RABGAP1L: variants seen among roughly 807,000 people sequenced by gnomAD.
RABGAP1L encodes the protein rab GTPase-activating protein 1-like.
A neutral mutation model predicts 137.7 loss-of-function variants in RABGAP1L; 63 were observed. The observed-to-expected ratio is 0.46, with a 90% CI of 0.37 to 0.56. The LOEUF is 0.56. Among genes scored for constraint, RABGAP1L ranks in the 20% least tolerant of loss-of-function variants. The pLI, the probability that RABGAP1L is intolerant of heterozygous loss-of-function variation, is 0.00. For missense variants in RABGAP1L, 1,095 were observed against 1,244.0 expected, an observed-to-expected ratio of 0.88 and a Z score of 1.80; for synonymous variants, 431 against 433.7, an observed-to-expected ratio of 0.99 and a Z score of 0.08.
At chr1:174,500,200 T>G (rs1321599653) in intron 13 of RABGAP1L, among the ~76,000 whole-genome samples, 1 of 151,814 alleles carries the variant, frequency 6.6e-6, no homozygotes, top group Non-Finnish European at 1.5e-5. Flanking sequence ...CTGCCTCAGC[T>G]TTCAGAGTAG....
chr1:174,907,914 T>G (rs892657778), intron 19 of RABGAP1L, among the ~76,000 whole-genome samples: 4 of 152,290 alleles, frequency 2.6e-5, no homozygotes, highest in African/African-American at 9.6e-5. Context: ...ATATGCTGCC[T>G]TCAAGAAACC....
chr1:174,329,896 A>T (rs914392465), intron 11 of RABGAP1L, among the ~76,000 whole-genome samples: 2 of 150,504 alleles, frequency 1.3e-5, no homozygotes, highest in African/African-American at 5.0e-5. Context: ...CATAATAATA[A>T]TTTTTTTTTA....
At chr1:174,504,869 A>G (rs1661670045) in intron 13 of RABGAP1L, among the ~76,000 whole-genome samples, 1 of 152,230 alleles carries the variant, frequency 6.6e-6, no homozygotes. Context: ...AGGTAGACAA[A>G]TAGAATTGAA....
At chr1:174,897,494 C>T (rs1657402956) in intron 19 of RABGAP1L, 1 of 152,156 alleles carries the variant, frequency 6.6e-6, no homozygotes, top group African/African-American at 2.4e-5. Context: ...TGTTTCTGAC[C>T]TCAGGAGCCT....
rs1014529594 is a variant in RABGAP1L at position 174,482,513 on chromosome 1, C to G, written c.1710+88368C>G. Among the ~76,000 whole-genome samples the G allele has an allele frequency of 8.5e-5, 13 of 152,290 alleles. No individual in the cohort carries two copies. In the South Asian group the frequency reaches 1.0e-3, roughly 12 times the overall value. ...TTCTTTCTTTTTGTATGTTGTAAAA[C>G]AGAGTCTTGCTCTGTTGCCCAGACT... is the stretch of plus-strand genomic sequence containing the variant. On this transcript the variant is annotated intron_variant, in intron 13 of 25. Transcript: ENST00000681986.
chr1:174,562,350 A>C (rs960096453), intron 13 of RABGAP1L, among the ~76,000 whole-genome samples: 1 of 152,218 alleles, frequency 6.6e-6, no homozygotes, highest in Admixed American at 6.5e-5. Flanking sequence ...AAAGGTCAGG[A>C]AACAACAGAT....
chr1:174,523,261 C>T (rs1360629900), intron 13 of RABGAP1L, among the ~76,000 whole-genome samples: 1 of 152,174 alleles, frequency 6.6e-6, no homozygotes, highest in Non-Finnish European at 1.5e-5. Flanking sequence ...TTCTACTGGC[C>T]TTCCACTTAG....
chr1:174,603,544 C>G (rs1232898511), intron 13 of RABGAP1L, among the ~76,000 whole-genome samples: 1 of 152,178 alleles, frequency 6.6e-6, no homozygotes, highest in Non-Finnish European at 1.5e-5. Context: ...ACCTCCTGCT[C>G]TATTCTACTC....
intron 19 of RABGAP1L, chr1:174,945,581 T>C (rs959122745): frequency 2.0e-5 from 3 of 152,132 alleles, no homozygotes; most frequent in African/African-American, 7.2e-5. Flanking sequence ...TTTTTTTTTT[T>C]CCTTCAAGTG....
chr1:174,669,279 G>A lies in RABGAP1L; in HGVS notation c.1825-14243G>A, dbSNP rs540153173. 7.9e-5 allele frequency among the ~76,000 whole-genome samples: 12 copies of A among 152,202 alleles called. No homozygotes were observed. The South Asian group carries it at 2.5e-3, about 32-fold the overall frequency. On this transcript the variant is annotated intron_variant, in intron 14 of 25. Transcript: ENST00000681986. ...TCACTATCATGAGAAAAGCATGGGG[G>A]AAACCGCTTCCCTGATTCAGTTACC...
chr1:174,650,947 T>G (rs1008498264), intron 14 of RABGAP1L, among the ~76,000 whole-genome samples: 2 of 146,484 alleles, frequency 1.4e-5, no homozygotes, highest in African/African-American at 5.2e-5. Context: ...TTTTGGATCT[T>G]TCCTGCTTTC....
At chr1:174,834,107 A>G (rs1341052916) in intron 19 of RABGAP1L, among the ~76,000 whole-genome samples, 1 of 152,180 alleles carries the variant, frequency 6.6e-6, no homozygotes, top group Non-Finnish European at 1.5e-5. Context: ...GCCAGGAATT[A>G]TGAGAAAGTC....
chr1:174,978,590 T>G (rs563514271), intron 22 of RABGAP1L, among the ~76,000 whole-genome samples: 1 of 152,224 alleles, frequency 6.6e-6, no homozygotes, highest in Non-Finnish European at 1.5e-5. Context: ...GTTGTTCATA[T>G]GTCTCATATT....
intron 11 of RABGAP1L, among the ~76,000 whole-genome samples, chr1:174,348,342 C>G (rs1404921322): frequency 1.3e-5 from 2 of 148,818 alleles, no homozygotes; most frequent in Non-Finnish European, 3.0e-5. Context: ...TACTTTTGCA[C>G]CAACCTAGTA....
In RABGAP1L at chr1:174,905,301, TG is replaced by T. The variant is rs560157763; in HGVS notation, c.2341-52155del. Among the ~76,000 whole-genome samples, 150 of 152,344 alleles carry T rather than the reference TG, an allele frequency of 9.8e-4. 1 individual carries two copies. Among genetic ancestry groups the T allele is most frequent in the African/African-American group, 3.4e-3 (140 of 41,584 alleles). On this transcript the variant is annotated intron_variant, in intron 19 of 25. Coordinates refer to ENST00000681986, the MANE Select transcript of RABGAP1L (RefSeq NM_001366446.1). ...CAATTCAGTCACTAGCCTTAAGTGA[TG>T]ATTTGTAAGATCTGTGACCTAGCAT... is the stretch of plus-strand genomic sequence containing the variant.
chr1:174,553,179 T>G (rs1447991426), intron 13 of RABGAP1L, among the ~76,000 whole-genome samples: 1 of 152,214 alleles, frequency 6.6e-6, no homozygotes, highest in Non-Finnish European at 1.5e-5. Context: ...CTATAGGTTG[T>G]CTATTTAATC....
At chr1:174,242,755 T>C (rs1038292991) in intron 5 of RABGAP1L, among the ~76,000 whole-genome samples, 1 of 152,232 alleles carries the variant, frequency 6.6e-6, no homozygotes, top group African/African-American at 2.4e-5. Context: ...GTTTTGTGTT[T>C]TGTTTTTTAG....
intron 19 of RABGAP1L, among the ~76,000 whole-genome samples, chr1:174,813,053 T>G (rs981242020): frequency 6.6e-6 from 1 of 152,238 alleles, no homozygotes; most frequent in Admixed American, 6.5e-5. Flanking sequence ...GGCTTTACTT[T>G]GAGTGAAGCA....
At chr1:174,912,044 GTC>G in intron 19 of RABGAP1L, among the ~76,000 whole-genome samples, 1 of 152,180 alleles carries the variant, frequency 6.6e-6, no homozygotes, top group East Asian at 1.9e-4. Flanking sequence ...AGCTGGAACT[GTC>G]TATAAGTGGC....
Sources: gnomAD v4.1 joint callset for allele counts (sites outside exome capture counted in the v4.1 genomes callset) on GRCh38, gnomAD v4.1.1 for gene constraint, MANE v1.5 for transcripts, NCBI Gene and HGNC (gene_info 2026-07-23, HGNC 2026-07-21) for gene names.